Variants in EYS observed in about 807,000 individuals in gnomAD.
EYS encodes the protein protein eyes shut homolog.
EYS carries 250 observed loss-of-function variants against 282.1 expected under a neutral mutation model. That is an observed-to-expected ratio of 0.89 (90% CI 0.80 to 0.98). The LOEUF (loss-of-function observed/expected upper bound fraction) is 0.98, where lower values mean the gene tolerates loss of function less well. EYS is among the 50% of genes least tolerant of loss of function. The pLI is 0.00. For synonymous variants in EYS, 1,355 were observed against 1,282.9 expected (o/e 1.06, Z -1.20); for missense variants, 4,016 against 3,709.0 (o/e 1.08, Z -2.15).
intron 12 of EYS, among the ~76,000 whole-genome samples, chr6:65,116,383 G>T (rs1226613867): frequency 1.3e-5 from 2 of 152,078 alleles, no homozygotes; most frequent in Non-Finnish European, 2.9e-5. Flanking sequence ...ATTCATGGAG[G>T]GTGAATTATT....
At chr6:63,949,992 T>C (rs555418184) in intron 35 of EYS, among the ~76,000 whole-genome samples, 2 of 151,976 alleles carry the variant, frequency 1.3e-5, no homozygotes, top group South Asian at 2.1e-4. Flanking sequence ...GCCAAGATGG[T>C]GAAACCTCAT....
rs562015773 is a variant in EYS at position 65,388,690 on chromosome 6, G to A, written c.1185-4190C>T. On this transcript the variant is annotated intron_variant, in intron 7 of 42. Coordinates refer to ENST00000503581, the MANE Select transcript of EYS (RefSeq NM_001142800.2). ...GAGGAAAATATGGCTCACCTTGTAAGCATTTAAAATACTTTAGGTTTTATT... is the reference window on the plus strand; with the variant it reads ...GAGGAAAATATGGCTCACCTTGTAAACATTTAAAATACTTTAGGTTTTATT... 5.9e-5 allele frequency among the ~76,000 whole-genome samples: 9 copies of A among 152,106 alleles called. No individual in the cohort carries two copies. The South Asian group carries it at 1.9e-3, about 32-fold the overall frequency.
At chr6:64,587,315 A>G (rs1766263596) in intron 26 of EYS, among the ~76,000 whole-genome samples, 1 of 152,030 alleles carries the variant, frequency 6.6e-6, no homozygotes, top group African/African-American at 2.4e-5. Context: ...AAATGATAGC[A>G]CTCAGTGGTC....
chr6:63,987,668 C>T (rs1767430158), intron 34 of EYS, among the ~76,000 whole-genome samples: 1 of 151,608 alleles, frequency 6.6e-6, no homozygotes, highest in Non-Finnish European at 1.5e-5. Context: ...ATTCCCAAAA[C>T]ACACATTCAT....
At chr6:65,209,976 A>T (rs1766134019) in intron 12 of EYS, among the ~76,000 whole-genome samples, 1 of 151,986 alleles carries the variant, frequency 6.6e-6, no homozygotes, top group African/African-American at 2.4e-5. Flanking sequence ...GGAGAAGAGA[A>T]ATAAGAGCAG....
chr6:64,511,258 A>G (rs146945855), intron 26 of EYS, among the ~76,000 whole-genome samples: 1 of 148,314 alleles, frequency 6.7e-6, no homozygotes, highest in Non-Finnish European at 1.5e-5. Flanking sequence ...TATGATATAT[A>G]TATCATATGT....
intron 41 of EYS, among the ~76,000 whole-genome samples, chr6:63,759,361 G>A (rs1340884612): frequency 6.6e-6 from 1 of 152,042 alleles, no homozygotes; most frequent in East Asian, 1.9e-4. Context: ...AGTTGTGTCT[G>A]TTTCTCTCTA....
chr6:65,075,561 G>C (rs1278104726), intron 12 of EYS, among the ~76,000 whole-genome samples: 3 of 151,964 alleles, frequency 2.0e-5, no homozygotes, highest in African/African-American at 7.2e-5. Flanking sequence ...TAAAGTTTTA[G>C]ATGAACCCAA....
intron 35 of EYS, among the ~76,000 whole-genome samples, chr6:63,918,855 T>C (rs145436958): frequency 0.01 from 1,541 of 152,322 alleles, 22 homozygotes; most frequent in African/African-American, 0.034. Context: ...CAAGCACCTT[T>C]GTAAGAAAGA....
At chr6:63,862,214 TC>T (rs1160822698) in intron 36 of EYS, among the ~76,000 whole-genome samples, 1 of 152,216 alleles carries the variant, frequency 6.6e-6, no homozygotes. Flanking sequence ...TCATAATTCT[TC>T]TCAGAAATTT....
At chr6:65,353,020 C>A (rs370244885) in intron 9 of EYS, among the ~76,000 whole-genome samples, 2 of 151,890 alleles carry the variant, frequency 1.3e-5, no homozygotes, top group Non-Finnish European at 1.5e-5. Context: ...CTCATGGAAA[C>A]CTTTTCTGGC....
intron 26 of EYS, among the ~76,000 whole-genome samples, chr6:64,465,731 G>GT: frequency 8.1e-6 from 1 of 123,574 alleles, no homozygotes; most frequent in Admixed American, 7.9e-5. Flanking sequence ...GGCCAAAAAA[G>GT]TAAAAAAAAA....
chr6:64,922,386 C>T (rs1768374423), intron 15 of EYS, among the ~76,000 whole-genome samples: 1 of 152,112 alleles, frequency 6.6e-6, no homozygotes, highest in African/African-American at 2.4e-5. Context: ...GCAAAATAGA[C>T]TGTTGTGTTT....
intron 22 of EYS, among the ~76,000 whole-genome samples, chr6:64,645,502 G>C (rs940573386): frequency 2.2e-4 from 33 of 152,170 alleles, no homozygotes; most frequent in African/African-American, 7.7e-4. Flanking sequence ...GGAATATTAA[G>C]AGTCAGAGTT....
At chr6:65,156,601 C>G (rs1178474910) in intron 12 of EYS, among the ~76,000 whole-genome samples, 1 of 150,900 alleles carries the variant, frequency 6.6e-6, no homozygotes, top group African/African-American at 2.4e-5. Context: ...TTACTGCTAC[C>G]CTCTCAATTT....
chr6:63,740,589 A>C (rs1427314239), intron 41 of EYS, among the ~76,000 whole-genome samples: 1 of 152,188 alleles, frequency 6.6e-6, no homozygotes, highest in Admixed American at 6.5e-5. Context: ...TCTTATAATA[A>C]AGCTATGTGT....
chr6:64,533,918 T>C (rs1764434315), intron 26 of EYS, among the ~76,000 whole-genome samples: 1 of 151,910 alleles, frequency 6.6e-6, no homozygotes, highest in South Asian at 2.1e-4. Context: ...AGGGTTTATA[T>C]CACATGCAGA....
intron 19 of EYS, among the ~76,000 whole-genome samples, chr6:64,836,725 T>C (rs1037989618): frequency 9.9e-5 from 15 of 151,624 alleles, no homozygotes; most frequent in African/African-American, 3.6e-4. Context: ...CTTGCCAAAA[T>C]GTAGAAAACG....
intron 22 of EYS, among the ~76,000 whole-genome samples, chr6:64,693,200 G>A (rs768404884): frequency 6.6e-6 from 1 of 151,392 alleles, no homozygotes; most frequent in Admixed American, 6.6e-5. Context: ...TATCATGTTC[G>A]TTAATTGAAA....
Sources: allele counts gnomAD v4.1 joint callset (sites outside exome capture counted in the v4.1 genomes callset), GRCh38; gene constraint gnomAD v4.1.1; transcripts MANE v1.5; gene names NCBI Gene and HGNC (gene_info 2026-07-23, HGNC 2026-07-21).